SMC1B: variants seen among roughly 807,000 people sequenced by gnomAD.
The protein encoded by SMC1B is structural maintenance of chromosomes 1B.
A neutral mutation model predicts 157.9 loss-of-function variants in SMC1B; 60 were observed. That is an observed-to-expected ratio of 0.38 (90% confidence interval 0.31 to 0.47). The LOEUF is 0.47. SMC1B is among the 20% of genes least tolerant of loss of function. The pLI is 0.99. For missense variants in SMC1B, 1,165 were observed against 1,426.2 expected (o/e 0.82, Z 2.95); for synonymous variants, 445 against 483.0 (o/e 0.92, Z 1.03).
At position 45,406,521 on chromosome 22, in the gene SMC1B, T is replaced by C. The variant is rs773691317; in HGVS notation, c.554A>G (p.Asn185Ser). 2.0e-5 allele frequency: 33 copies of C among 1,612,968 alleles called. No individual in the cohort carries two copies. Among genetic ancestry groups the C allele is most frequent in the Non-Finnish European group, 2.8e-5 (33 of 1,179,924 alleles). The change falls in exon 4 of 25, where the codon AAC becomes AGC. Residue 185 changes from asparagine to serine, a missense_variant. Coordinates refer to ENST00000357450, the MANE Select transcript of SMC1B (RefSeq NM_148674.5). ...LQKAEEDAQFNFNKKKNIAAE... is the reference protein window; with the variant it reads ...LQKAEEDAQFSFNKKKNIAAE... ...CGCTATATTTTTTTTCTTATTAAAGTTAAACTGTGCATCCTCTTCGGCTTT... is the reference window on the plus strand; with the variant it reads ...CGCTATATTTTTTTTCTTATTAAAGCTAAACTGTGCATCCTCTTCGGCTTT...
At chr22:45,348,718 G>GTTTTTTTTTT (rs59086824) in intron 23 of SMC1B, among the ~76,000 whole-genome samples, 3 of 148,126 alleles carry the variant, frequency 2.0e-5, no homozygotes, top group Non-Finnish European at 1.5e-5. Context: ...CAAAAGGACT[G>GTTTTTTTTTT]TTTTTTTTGT....
intron 12 of SMC1B, among the ~76,000 whole-genome samples, chr22:45,383,133 C>CAAA (rs5845706): frequency 2.1e-5 from 3 of 143,370 alleles, no homozygotes; most frequent in Admixed American, 7.0e-5. Context: ...AACTCTGTCT[C>CAAA]AAAAAAAAAA....
chr22:45,359,464 G>A (rs2086700210), intron 18 of SMC1B, among the ~76,000 whole-genome samples: 1 of 152,170 alleles, frequency 6.6e-6, no homozygotes, highest in African/African-American at 2.4e-5. Context: ...ACAACTGTTG[G>A]AGAAGGTGCA....
chr22:45,374,591 A>G (rs946503549), intron 12 of SMC1B, among the ~76,000 whole-genome samples: 1 of 152,222 alleles, frequency 6.6e-6, no homozygotes, highest in Admixed American at 6.5e-5. Context: ...CAAGTCTTCA[A>G]AATAATGTTT....
intron 15 of SMC1B, among the ~76,000 whole-genome samples, chr22:45,363,884 T>C (rs1247926874): frequency 6.6e-6 from 1 of 151,862 alleles, no homozygotes; most frequent in Admixed American, 6.6e-5. Flanking sequence ...AGTCTCACTC[T>C]GTTGCTCAGG....
At chr22:45,386,789 T>G in intron 11 of SMC1B, 78 bp downstream of exon 11, 1 of 1,259,566 alleles carries the variant, frequency 7.9e-7, no homozygotes, top group East Asian at 2.3e-5. Flanking sequence ...TGTAAATATT[T>G]GTGTGTGTTT....
chr22:45,347,597 C>G (rs1263502780), intron 23 of SMC1B, among the ~76,000 whole-genome samples: 1 of 152,008 alleles, frequency 6.6e-6, no homozygotes, highest in East Asian at 1.9e-4. Flanking sequence ...AACCAGAATG[C>G]CAATTTATTT....
chr22:45,406,332 A>C (rs1234783904), intron 4 of SMC1B, 128 bp downstream of exon 4: 4 of 720,766 alleles, frequency 5.5e-6, no homozygotes, highest in Non-Finnish European at 8.7e-6. Context: ...ATCTTAATGA[A>C]TATTGGGCTT....
intron 19 of SMC1B, 72 bp downstream of exon 19, chr22:45,358,625 C>A: frequency 2.1e-6 from 2 of 948,484 alleles, no homozygotes; most frequent in Non-Finnish European, 1.6e-6. Context: ...TTCTATCATC[C>A]AAAAATGATT....
chr22:45,361,459 A>AACAC lies in SMC1B; in HGVS notation c.2708+376_2708+379dup, dbSNP rs35756229. On this transcript the variant is annotated intron_variant, in intron 17 of 24. Coordinates refer to ENST00000357450, the MANE Select transcript of SMC1B (RefSeq NM_148674.5). The stretch of plus-strand genomic sequence containing the variant: ...AAAACCCTGTCTCTACTAAAAGAGA[A>AACAC]ACACACACACACACACACTAGCTGG... Among the ~76,000 whole-genome samples the AACAC allele has an allele frequency of 1.1e-3, 159 of 150,830 alleles. 1 individual carries two copies. Among genetic ancestry groups the AACAC allele is most frequent in the East Asian group, 9.4e-3 (48 of 5,104 alleles).
intron 9 of SMC1B, 57 bp from the exon 10 acceptor site, chr22:45,389,954 T>G: frequency 1.4e-6 from 2 of 1,398,466 alleles, no homozygotes; most frequent in Non-Finnish European, 2.0e-6. Context: ...AAATATATAA[T>G]TCATTATTTT....
chr22:45,378,843 T>C (rs746995786), intron 12 of SMC1B, among the ~76,000 whole-genome samples: 2 of 152,266 alleles, frequency 1.3e-5, no homozygotes, highest in Non-Finnish European at 2.9e-5. Flanking sequence ...TTCAATTAAA[T>C]TGTAAGTACT....
chr22:45,364,157 T>C (rs943844272), intron 15 of SMC1B, among the ~76,000 whole-genome samples: 2 of 152,132 alleles, frequency 1.3e-5, no homozygotes, highest in Admixed American at 1.3e-4. Context: ...CCCAAATAAC[T>C]ATTCTTATAT....
rs1179043749 is a variant in SMC1B, at chr22:45,344,104, CAT to C, written c.*450_*451del. ...TTTTTATTGATATTTTCAATACTAA[CAT>C]AGTTTCTCTGAAACAATTTCCCAAA... On this transcript the variant is annotated 3_prime_UTR_variant, in exon 25 of 25. Transcript: ENST00000357450. 1.3e-5 allele frequency: 2 copies of C among 152,288 alleles called. No homozygotes were observed. The highest frequency in any genetic ancestry group is 2.4e-5 in the African/African-American group (1 of 41,444). 9.4% of individuals were successfully genotyped at this position (152,288 alleles called of 1,614,324 possible). A position where few individuals can be genotyped will look rare whatever the true frequency, so the allele number is the denominator to read the frequency against.
chr22:45,353,923 ACCACCACCGGTAACACAG>A, intron 21 of SMC1B, 37 bp downstream of exon 21: 1 of 1,036,896 alleles, frequency 9.6e-7, no homozygotes, highest in South Asian at 1.6e-5. Flanking sequence ...AAAAAAAACA[ACCACCACCGGTAACACAG>A]AATTCTCACT....
chr22:45,400,364 T>C (rs1172355701), intron 5 of SMC1B, among the ~76,000 whole-genome samples: 1 of 151,718 alleles, frequency 6.6e-6, no homozygotes, highest in Non-Finnish European at 1.5e-5. Context: ...ATCACAGTAA[T>C]GAGAATATTT....
At chr22:45,363,482 A>C (rs2086741236) in intron 15 of SMC1B, among the ~76,000 whole-genome samples, 1 of 152,128 alleles carries the variant, frequency 6.6e-6, no homozygotes, top group Non-Finnish European at 1.5e-5. Context: ...GGAGTTCGAG[A>C]CCAGCCTGGC....
intron 14 of SMC1B, 114 bp from the exon 15 acceptor site, chr22:45,370,174 C>A: frequency 1.8e-6 from 1 of 544,644 alleles, no homozygotes; most frequent in Non-Finnish European, 3.2e-6. Context: ...CTAATCCCAC[C>A]AAGCATTACT....
At chr22:45,412,818 TG>T (rs2087360425) in intron 1 of SMC1B, among the ~76,000 whole-genome samples, 2 of 152,124 alleles carry the variant, frequency 1.3e-5, no homozygotes, top group African/African-American at 4.8e-5. Flanking sequence ...CTCAGTAAAC[TG>T]GGTCATCATC....
Sources: gnomAD v4.1 joint callset for allele counts (sites outside exome capture counted in the v4.1 genomes callset) on GRCh38, gnomAD v4.1.1 for gene constraint, MANE v1.5 for transcripts, NCBI Gene and HGNC (gene_info 2026-07-23, HGNC 2026-07-21) for gene names.